CCSER1: variants seen among roughly 807,000 people sequenced by gnomAD.
The protein encoded by CCSER1 is coiled-coil serine rich protein 1.
Under a neutral mutation model 82.0 loss-of-function variants are expected in CCSER1, and 41 were observed. The observed-to-expected ratio is 0.50, with a 90% CI of 0.39 to 0.65. The LOEUF (loss-of-function observed/expected upper bound fraction) is 0.65, where lower values mean the gene tolerates loss of function less well. CCSER1 is among the 30% of genes least tolerant of loss of function. The pLI, the probability that CCSER1 is intolerant of heterozygous loss-of-function variation, is 0.00. For synonymous variants in CCSER1, 414 were observed against 383.9 expected (o/e 1.08, Z -0.92); for missense variants, 1,119 against 1,064.2 (o/e 1.05, Z -0.72).
At chr4:90,551,923 C>T (rs988036769) in intron 5 of CCSER1, among the ~76,000 whole-genome samples, 2 of 151,982 alleles carry the variant, frequency 1.3e-5, no homozygotes, top group Non-Finnish European at 2.9e-5. Flanking sequence ...GACCAAAGTG[C>T]TGGCAGGTTT....
At chr4:91,411,507 T>TATATATATATATAC (rs1553934203) in intron 10 of CCSER1, among the ~76,000 whole-genome samples, 2 of 67,300 alleles carry the variant, frequency 3.0e-5, no homozygotes, top group African/African-American at 9.7e-5. Flanking sequence ...TATATATATA[T>TATATATATATATAC]ATATATATAT....
rs186471602 is a variant in CCSER1 at position 91,453,514 on chromosome 4, A to T, written c.2218-145058A>T. Among the ~76,000 whole-genome samples the T allele has an allele frequency of 1.8e-4, 27 of 152,112 alleles. No homozygotes were observed. In the East Asian group the frequency reaches 5.2e-3, roughly 29 times the overall value. ...TTCTCCTAAAGAAAATTTTACATCCATTTAAATGTCTTGCCACCTCTTCCT... is the reference window on the plus strand; with the variant it reads ...TTCTCCTAAAGAAAATTTTACATCCTTTTAAATGTCTTGCCACCTCTTCCT... On this transcript the variant is annotated intron_variant, in intron 10 of 10. Coordinates refer to ENST00000509176, the MANE Select transcript of CCSER1 (RefSeq NM_001145065.2).
At position 91,001,745 on chromosome 4, in the gene CCSER1, G is replaced by A. The variant is rs190361749; in HGVS notation, c.2172+78298G>A. ...ATCTTTTAAGTGGAGCATTTAGACCGTTTACATTCATTGTTAGTATTGATA... is the reference window on the plus strand; with the variant it reads ...ATCTTTTAAGTGGAGCATTTAGACCATTTACATTCATTGTTAGTATTGATA... On this transcript the variant is annotated intron_variant, in intron 9 of 10. Coordinates refer to ENST00000509176, the MANE Select transcript of CCSER1 (RefSeq NM_001145065.2). Among the ~76,000 whole-genome samples the A allele has an allele frequency of 1.2e-3, 183 of 152,208 alleles. 3 individuals are homozygous for A. The highest frequency in any genetic ancestry group is 9.2e-3 in the Admixed American group (140 of 15,290).
At chr4:90,867,243 A>G (rs1460327870) in intron 8 of CCSER1, among the ~76,000 whole-genome samples, 1 of 151,722 alleles carries the variant, frequency 6.6e-6, no homozygotes, top group African/African-American at 2.4e-5. Flanking sequence ...ATTTCTATCC[A>G]CTCACTGTCA....
At chr4:91,351,103 T>A (rs1748439035) in intron 10 of CCSER1, among the ~76,000 whole-genome samples, 1 of 152,010 alleles carries the variant, frequency 6.6e-6, no homozygotes, top group Non-Finnish European at 1.5e-5. Context: ...AGATGAAGTT[T>A]CCTCTGTTTG....
intron 10 of CCSER1, among the ~76,000 whole-genome samples, chr4:91,162,276 G>A (rs1731500204): frequency 6.6e-6 from 1 of 152,210 alleles, no homozygotes; most frequent in Non-Finnish European, 1.5e-5. Context: ...TCCCAGGGAT[G>A]AAGTCGACTT....
At chr4:90,294,303 G>C (rs1731463237) in intron 1 of CCSER1, among the ~76,000 whole-genome samples, 1 of 151,962 alleles carries the variant, frequency 6.6e-6, no homozygotes, top group African/African-American at 2.4e-5. Context: ...CTTGAGCCTA[G>C]GATTTGAGAC....
At chr4:90,386,949 G>C (rs887439431) in intron 3 of CCSER1, among the ~76,000 whole-genome samples, 3 of 151,996 alleles carry the variant, frequency 2.0e-5, no homozygotes, top group Non-Finnish European at 4.4e-5. Flanking sequence ...CTGTTCATTT[G>C]TTTATATATT....
chr4:90,145,461 A>C (rs1725629285), intron 1 of CCSER1, among the ~76,000 whole-genome samples: 1 of 152,136 alleles, frequency 6.6e-6, no homozygotes, highest in Admixed American at 6.5e-5. Flanking sequence ...TTTCAGTTTC[A>C]TGCTCTGCAT....
chr4:90,798,535 G>T (rs1263970654), intron 7 of CCSER1, among the ~76,000 whole-genome samples: 2 of 131,808 alleles, frequency 1.5e-5, no homozygotes, highest in Non-Finnish European at 3.3e-5. Flanking sequence ...CAATCATTTG[G>T]TGGAAAAAAA....
chr4:90,628,288 C>A, intron 6 of CCSER1, 56 bp downstream of exon 6: 2 of 1,419,618 alleles, frequency 1.4e-6, no homozygotes, highest in South Asian at 1.2e-5. Flanking sequence ...ATGAAGTCTG[C>A]AGACGTGGTT....
chr4:90,137,597 A>G (rs922123036), intron 1 of CCSER1, among the ~76,000 whole-genome samples: 2 of 152,198 alleles, frequency 1.3e-5, no homozygotes, highest in South Asian at 4.1e-4. Flanking sequence ...CAGGAAATAA[A>G]TGGATGAGAT....
At chr4:90,989,471 C>T (rs1736841402) in intron 9 of CCSER1, among the ~76,000 whole-genome samples, 1 of 151,604 alleles carries the variant, frequency 6.6e-6, no homozygotes, top group East Asian at 1.9e-4. Context: ...CCACCCAGAG[C>T]ATTAGAAAAA....
At chr4:91,436,198 TC>T (rs1754638658) in intron 10 of CCSER1, among the ~76,000 whole-genome samples, 1 of 152,206 alleles carries the variant, frequency 6.6e-6, no homozygotes, top group African/African-American at 2.4e-5. Context: ...TATGCCATCT[TC>T]CCTCTTACTT....
At chr4:90,380,223 G>C (rs1276055341) in intron 3 of CCSER1, among the ~76,000 whole-genome samples, 1 of 152,096 alleles carries the variant, frequency 6.6e-6, no homozygotes, top group Admixed American at 6.6e-5. Flanking sequence ...TCTCAGAAAA[G>C]TGGTTAACAA....
chr4:91,224,186 G>T (rs1212676234), intron 10 of CCSER1, among the ~76,000 whole-genome samples: 3 of 151,884 alleles, frequency 2.0e-5, no homozygotes, highest in Non-Finnish European at 2.9e-5. Flanking sequence ...ATTCGCTAAA[G>T]CATGCAAGTT....
chr4:91,068,766 G>A (rs1721109320), intron 9 of CCSER1, among the ~76,000 whole-genome samples: 1 of 152,162 alleles, frequency 6.6e-6, no homozygotes, highest in African/African-American at 2.4e-5. Flanking sequence ...AATTTTAAAA[G>A]AAAAGCATTG....
intron 5 of CCSER1, among the ~76,000 whole-genome samples, chr4:90,570,262 T>C (rs544497941): frequency 2.0e-5 from 3 of 152,296 alleles, no homozygotes; most frequent in South Asian, 2.1e-4. Flanking sequence ...GGAATGACTC[T>C]GCGATCTAGG....
intron 6 of CCSER1, among the ~76,000 whole-genome samples, chr4:90,643,914 G>GT (rs1045034475): frequency 1.1e-4 from 17 of 151,912 alleles, no homozygotes; most frequent in African/African-American, 2.4e-4. Flanking sequence ...CCCTTAAAAA[G>GT]TTTTTTTTAA....
Sources: allele counts gnomAD v4.1 joint callset (sites outside exome capture counted in the v4.1 genomes callset), GRCh38; gene constraint gnomAD v4.1.1; transcripts MANE v1.5; gene names NCBI Gene and HGNC (gene_info 2026-07-23, HGNC 2026-07-21).